Variants in HLA-E observed in about 807,000 individuals in gnomAD.
HLA-E encodes the protein major histocompatibility complex, class I, E, also known as HLA class I histocompatibility antigen, alpha chain E.
HLA-E carries 25 observed loss-of-function variants against 43.4 expected under a neutral mutation model. That is an observed-to-expected ratio of 0.58 (90% CI 0.42 to 0.80). The LOEUF is 0.80. Ranked by LOEUF, HLA-E falls within the 30% of genes least tolerant of loss-of-function variation. HLA-E has a pLI of 0.00. For synonymous variants in HLA-E, 161 were observed against 197.6 expected, an observed-to-expected ratio of 0.81 and a Z score of 1.55; for missense variants, 343 against 470.0, an observed-to-expected ratio of 0.73 and a Z score of 2.50.
rs1303607660 is a variant in HLA-E, at chr6:30,490,148, C to T, written c.335-92C>T. ...GGGGAGAGTCTCAGGCGCCTTTACC[C>T]GGTTCTTTTTCAGTTTAGGCCAAAA... On this transcript the variant is annotated intron_variant, in intron 2 of 7. Transcript: ENST00000376630. This position sits in a 1 kb window ranked among gnomAD's most constrained non-coding sequence, Gnocchi z 6.6. 3 of 1,439,108 alleles carry T rather than the reference C, an allele frequency of 2.1e-6. No individual in the cohort carries two copies. Among genetic ancestry groups the T allele is most frequent in the East Asian group, 2.8e-5 (1 of 35,610 alleles). The allele number at this position is 1,439,108 out of a possible 1,614,324, so 89.1% of individuals were successfully genotyped here.
rs377727283 is a variant in HLA-E at position 30,491,099 on chromosome 6, G to C, written c.611-38G>C. On this transcript the variant is annotated intron_variant, in intron 3 of 7. Coordinates refer to ENST00000376630, the MANE Select transcript of HLA-E (RefSeq NM_005516.6). The surrounding 1 kb of genome is among the most constrained non-coding windows in gnomAD (Gnocchi z 5.4). ...GGTGCTGCTGGAGTGTCCCATGAGA[G>C]ATACAAAGTGCCTGAATTTTCTGAC... 2.2e-5 allele frequency: 35 copies of C among 1,608,484 alleles called. No individual in the cohort carries two copies. The highest frequency in any genetic ancestry group is 3.0e-5 in the Non-Finnish European group (35 of 1,176,666).
Position 30,490,370 on chromosome 6 carries a change from C to T in HLA-E, c.465C>T (p.Thr155=). The change falls in exon 3 of 8, where the codon ACC becomes ACT. Residue 155 remains threonine, a synonymous_variant. Coordinates refer to ENST00000376630, the MANE Select transcript of HLA-E (RefSeq NM_005516.6). This position sits in a 1 kb window ranked among gnomAD's most constrained non-coding sequence, Gnocchi z 6.6. ...LTLNEDLRSW[T]AVDTAAQISE... ...TGAATGAGGACCTGCGCTCCTGGACCGCGGTGGACACGGCGGCTCAGATCT... is the reference window on the plus strand; with the variant it reads ...TGAATGAGGACCTGCGCTCCTGGACTGCGGTGGACACGGCGGCTCAGATCT... 2 of 1,613,078 alleles carry T rather than the reference C, an allele frequency of 1.2e-6. No individual in the cohort carries two copies. The highest frequency in any genetic ancestry group is 2.2e-5 in the East Asian group (1 of 44,872).
At position 30,491,749 on chromosome 6, in the gene HLA-E, A is replaced by C. The variant is rs1344187045; in HGVS notation, c.1003+96A>C. 2 of 987,668 alleles carry C rather than the reference A, an allele frequency of 2.0e-6. No individual in the cohort carries two copies. The highest frequency in any genetic ancestry group is 1.5e-6 in the Non-Finnish European group (1 of 651,366). 61.2% of individuals were successfully genotyped at this position (987,668 alleles called of 1,614,324 possible). On this transcript the variant is annotated intron_variant, in intron 5 of 7. Transcript: ENST00000376630. The surrounding 1 kb of genome is among the most constrained non-coding windows in gnomAD (Gnocchi z 5.4). ...GTGTCCTGCCTCGTTACTGGGAAGC[A>C]CCATCCACACACACGAGCCTACCCA...
chr6:30,491,361 A>G lies in HLA-E; in HGVS notation c.835A>G (p.Thr279Ala). ...GCCTTCTGGAGAGGAGCAGAGATACACGTGCCATGTGCAGCATGAGGGGCT... is the reference window on the plus strand; with the variant it reads ...GCCTTCTGGAGAGGAGCAGAGATACGCGTGCCATGTGCAGCATGAGGGGCT... ...VVPSGEEQRYTCHVQHEGLPE... is the reference protein window; with the variant it reads ...VVPSGEEQRYACHVQHEGLPE... The change falls in exon 4 of 8, where the codon ACG becomes GCG. Residue 279 changes from threonine to alanine, a missense_variant. Thr to Ala is a moderately conservative substitution (Grantham distance 58, BLOSUM62 0). This residue lies in a region of HLA-E where 190 missense variants were observed against 283.6 expected (regional missense o/e 0.67). Coordinates refer to ENST00000376630, the MANE Select transcript of HLA-E (RefSeq NM_005516.6). The surrounding 1 kb of genome is among the most constrained non-coding windows in gnomAD (Gnocchi z 5.4). 1.2e-6 allele frequency: 2 copies of G among 1,614,152 alleles called. No individual in the cohort carries two copies. The highest frequency in any genetic ancestry group is 1.7e-6 in the Non-Finnish European group (2 of 1,180,018).
rs1796529592 is a variant in HLA-E, at chr6:30,491,436, T to C, written c.886+24T>C. The C allele has an allele frequency of 6.2e-7, 1 of 1,613,530 alleles. No individual in the cohort carries two copies. Among genetic ancestry groups the C allele is most frequent in the Non-Finnish European group, 8.5e-7 (1 of 1,179,556 alleles). ...GAGTAAGGAGGGGGATGGGAGGTCA[T>C]GTCTCTTCTCAGGGAAAGCGGGAGC... On this transcript the variant is annotated intron_variant, in intron 4 of 7. Coordinates refer to ENST00000376630, the MANE Select transcript of HLA-E (RefSeq NM_005516.6). The surrounding 1 kb of genome is among the most constrained non-coding windows in gnomAD (Gnocchi z 5.4).
Position 30,491,883 on chromosome 6 carries a change from G to A in HLA-E, c.1003+230G>A, listed in dbSNP as rs1439595555. Among the ~76,000 whole-genome samples, 6 of 151,920 alleles carry A rather than the reference G, an allele frequency of 3.9e-5. No homozygotes were observed. Among genetic ancestry groups the A allele is most frequent in the Non-Finnish European group, 5.9e-5 (4 of 67,974 alleles). ...GTGGTTTCAGCTCACTGCAACCTCC[G>A]CCTCCCAGGTTCAAGCAATTCTCCT... On this transcript the variant is annotated intron_variant, in intron 5 of 7. Coordinates refer to ENST00000376630, the MANE Select transcript of HLA-E (RefSeq NM_005516.6). The surrounding 1 kb of genome is among the most constrained non-coding windows in gnomAD (Gnocchi z 5.4).
Position 30,489,518 on chromosome 6 carries a change from C to CA in HLA-E, c.-13dup, listed in dbSNP as rs761434219. ...CCGGACTCAAGAAGTTCTCAGGACT[C>CA]AGAGGCTGGGATCATGGTAGATGGA... On this transcript the variant is annotated 5_prime_UTR_variant, in exon 1 of 8. Transcript: ENST00000376630. The surrounding 1 kb of genome is among the most constrained non-coding windows in gnomAD (Gnocchi z 5.6). 1.5e-4 allele frequency: 232 copies of CA among 1,516,322 alleles called. 6 individuals are homozygous for CA. Among genetic ancestry groups the CA allele is most frequent in the East Asian group, 9.1e-4 (40 of 43,952 alleles). The allele number at this position is 1,516,322 out of a possible 1,614,324, so 93.9% of individuals were successfully genotyped here.
At position 30,491,332 on chromosome 6, in the gene HLA-E, T is replaced by C. The variant is rs1295997536; in HGVS notation, c.806T>C (p.Val269Ala). ...ACCTTCCAGAAGTGGGCAGCTGTGG[T>C]GGTGCCTTCTGGAGAGGAGCAGAGA... The part of the protein sequence containing the change: ...DGTFQKWAAV[V>A]VPSGEEQRYT... Residue 269 changes from valine (V) to alanine (A), a missense_variant, in exon 4 of 8, where the codon GTG becomes GCG. Physicochemically the swap from Val to Ala is moderately conservative, Grantham distance 64 (BLOSUM62 0). Around this residue, in one of 3 missense-constraint regions of HLA-E, gnomAD observed 190 missense variants for 283.6 expected, o/e 0.67. Coordinates refer to ENST00000376630, the MANE Select transcript of HLA-E (RefSeq NM_005516.6). This position sits in a 1 kb window ranked among gnomAD's most constrained non-coding sequence, Gnocchi z 5.4. 6.2e-7 allele frequency: 1 copy of C among 1,614,008 alleles called. No individual in the cohort carries two copies. The highest frequency in any genetic ancestry group is 1.3e-5 in the African/African-American group (1 of 74,908).
Position 30,492,883 on chromosome 6 carries a change from G to A in HLA-E, c.*137G>A. On this transcript the variant is annotated 3_prime_UTR_variant, in exon 8 of 8. Transcript: ENST00000376630. The surrounding 1 kb of genome is among the most constrained non-coding windows in gnomAD (Gnocchi z 4.5). ...TCTTTTTGCAAGGGCCTCTGAATCTGTCTGTGTCCCTGTTAGCACAATGTG... is the reference window on the plus strand; with the variant it reads ...TCTTTTTGCAAGGGCCTCTGAATCTATCTGTGTCCCTGTTAGCACAATGTG... 1 of 545,544 alleles carries A rather than the reference G, an allele frequency of 1.8e-6. No individual in the cohort carries two copies. 33.8% of individuals were successfully genotyped at this position (545,544 alleles called of 1,614,324 possible).
Position 30,491,757 on chromosome 6 carries a change from C to G in HLA-E, c.1003+104C>G. ...CCTCGTTACTGGGAAGCACCATCCA[C>G]ACACACGAGCCTACCCAGCCTGGGG... On this transcript the variant is annotated intron_variant, in intron 5 of 7. Transcript: ENST00000376630. The surrounding 1 kb of genome is among the most constrained non-coding windows in gnomAD (Gnocchi z 5.4). 1.1e-6 allele frequency: 1 copy of G among 927,136 alleles called. No individual in the cohort carries two copies. The allele number at this position is 927,136 out of a possible 1,614,324, so 57.4% of individuals were successfully genotyped here. A position where few individuals can be genotyped will look rare whatever the true frequency, so the allele number is the denominator to read the frequency against.
At position 30,493,773 on chromosome 6, in the gene HLA-E, A is replaced by T. The variant is rs1358109319; in HGVS notation, c.*1027A>T. ...AGTGGAAATGTGAGGTGCAGCTGCC[A>T]CAGAGGGCCCCCACCAGGGAAATGT... On this transcript the variant is annotated 3_prime_UTR_variant, in exon 8 of 8. Coordinates refer to ENST00000376630, the MANE Select transcript of HLA-E (RefSeq NM_005516.6). This position sits in a 1 kb window ranked among gnomAD's most constrained non-coding sequence, Gnocchi z 5.5. 6.6e-6 allele frequency: 1 copy of T among 152,478 alleles called. No individual in the cohort carries two copies. The highest frequency in any genetic ancestry group is 2.4e-5 in the African/African-American group (1 of 41,448). 9.4% of individuals were successfully genotyped at this position (152,478 alleles called of 1,614,324 possible).
At position 30,491,638 on chromosome 6, in the gene HLA-E, A is replaced by C; in HGVS notation, c.988A>C (p.Arg330=). 6.2e-7 allele frequency: 1 copy of C among 1,612,564 alleles called. No individual in the cohort carries two copies. Among genetic ancestry groups the C allele is most frequent in the East Asian group, 2.2e-5 (1 of 44,858 alleles). ...AGCTGTGGTTGCTGCTGTGATATGG[A>C]GGAAGAAGAGCTCAGGTGGGGAAGG... ...SGAVVAAVIW[R]KKSSGGKGGS... Residue 330 remains arginine (R), a synonymous_variant, in exon 5 of 8, where the codon AGG becomes CGG. Coordinates refer to ENST00000376630, the MANE Select transcript of HLA-E (RefSeq NM_005516.6). The surrounding 1 kb of genome is among the most constrained non-coding windows in gnomAD (Gnocchi z 5.4).
In HLA-E at chr6:30,491,770, AC is replaced by A; in HGVS notation, c.1003+120del. On this transcript the variant is annotated intron_variant, in intron 5 of 7. Transcript: ENST00000376630. The surrounding 1 kb of genome is among the most constrained non-coding windows in gnomAD (Gnocchi z 5.4). The stretch of plus-strand genomic sequence containing the variant: ...AAGCACCATCCACACACACGAGCCT[AC>A]CCAGCCTGGGGCCCTGTGTGCCAGC... 2 of 834,218 alleles carry A rather than the reference AC, an allele frequency of 2.4e-6. No homozygotes were observed. The highest frequency in any genetic ancestry group is 1.9e-6 in the Non-Finnish European group (1 of 524,662). 51.7% of individuals were successfully genotyped at this position (834,218 alleles called of 1,614,324 possible).
chr6:30,490,054 G>A lies in HLA-E; in HGVS notation c.334+59G>A. The A allele has an allele frequency of 6.5e-7, 1 of 1,541,254 alleles. No individual in the cohort carries two copies. The highest frequency in any genetic ancestry group is 8.8e-7 in the Non-Finnish European group (1 of 1,133,794). ...CCCCTCCCCATCCCCCACGGACGGC[G>A]CGGGTCCCCTCGAATCTTCGGGTCC... On this transcript the variant is annotated intron_variant, in intron 2 of 7. Coordinates refer to ENST00000376630, the MANE Select transcript of HLA-E (RefSeq NM_005516.6). The surrounding 1 kb of genome is among the most constrained non-coding windows in gnomAD (Gnocchi z 6.6).
chr6:30,492,365 C>T lies in HLA-E; in HGVS notation c.1004-39C>T, dbSNP rs772601529. On this transcript the variant is annotated intron_variant, in intron 5 of 7. Coordinates refer to ENST00000376630, the MANE Select transcript of HLA-E (RefSeq NM_005516.6). The surrounding 1 kb of genome is among the most constrained non-coding windows in gnomAD (Gnocchi z 4.5). ...TTCCTCTAGGACCTTATGGCCCTGCCTCCTCCCTGGCCCCTCACAGGACAT... is the reference window on the plus strand; with the variant it reads ...TTCCTCTAGGACCTTATGGCCCTGCTTCCTCCCTGGCCCCTCACAGGACAT... The T allele has an allele frequency of 6.2e-7, 1 of 1,612,262 alleles. No homozygotes were observed. Among genetic ancestry groups the T allele is most frequent in the Non-Finnish European group, 8.5e-7 (1 of 1,178,434 alleles).
Position 30,492,627 on chromosome 6 carries a change from G to A in HLA-E, c.*2+44G>A. ...GAAGTGGGTGGAGGGTGGGGCAGAG[G>A]GGACAGGACTGGGTTGTGGGGATTT... On this transcript the variant is annotated intron_variant, in intron 7 of 7. Coordinates refer to ENST00000376630, the MANE Select transcript of HLA-E (RefSeq NM_005516.6). This position sits in a 1 kb window ranked among gnomAD's most constrained non-coding sequence, Gnocchi z 4.5. The A allele has an allele frequency of 6.3e-7, 1 of 1,590,634 alleles. No homozygotes were observed. Among genetic ancestry groups the A allele is most frequent in the Non-Finnish European group, 8.6e-7 (1 of 1,161,980 alleles).
Position 30,490,180 on chromosome 6 carries a change from C to A in HLA-E, c.335-60C>A. On this transcript the variant is annotated intron_variant, in intron 2 of 7. Transcript: ENST00000376630. The surrounding 1 kb of genome is among the most constrained non-coding windows in gnomAD (Gnocchi z 6.6). ...TTTTCAGTTTAGGCCAAAATGCCCA[C>A]AGGGTGGTGGCGACGGGGGCGGGGC... 1.9e-6 allele frequency: 3 copies of A among 1,573,244 alleles called. No homozygotes were observed. The highest frequency in any genetic ancestry group is 2.3e-5 in the South Asian group (2 of 87,640).
In HLA-E at chr6:30,491,094, T is replaced by C. The variant is rs768369744; in HGVS notation, c.611-43T>C. The stretch of plus-strand genomic sequence containing the variant: ...ACATGGGTGCTGCTGGAGTGTCCCA[T>C]GAGAGATACAAAGTGCCTGAATTTT... On this transcript the variant is annotated intron_variant, in intron 3 of 7. Transcript: ENST00000376630. This position sits in a 1 kb window ranked among gnomAD's most constrained non-coding sequence, Gnocchi z 5.4. 6.3e-7 allele frequency: 1 copy of C among 1,588,780 alleles called. No individual in the cohort carries two copies. The highest frequency in any genetic ancestry group is 1.1e-5 in the South Asian group (1 of 89,796).
At position 30,491,301 on chromosome 6, in the gene HLA-E, G is replaced by A. The variant is rs1172365556; in HGVS notation, c.775G>A (p.Asp259Asn). 3 of 1,614,240 alleles carry A rather than the reference G, an allele frequency of 1.9e-6. No homozygotes were observed. Among genetic ancestry groups the A allele is most frequent in the Admixed American group, 3.3e-5 (2 of 60,028 alleles). ...GCTCGTGGAGACCAGGCCTGCAGGG[G>A]ATGGAACCTTCCAGAAGTGGGCAGC... ...TELVETRPAGDGTFQKWAAVV... is the reference protein window; with the variant it reads ...TELVETRPAGNGTFQKWAAVV... Residue 259 changes from aspartate to asparagine, a missense_variant, in exon 4 of 8, where the codon GAT (aspartate) becomes AAT (asparagine). Coordinates refer to ENST00000376630, the MANE Select transcript of HLA-E (RefSeq NM_005516.6). The surrounding 1 kb of genome is among the most constrained non-coding windows in gnomAD (Gnocchi z 5.4).
Sources: allele counts gnomAD v4.1 joint callset (sites outside exome capture counted in the v4.1 genomes callset), GRCh38; gene constraint gnomAD v4.1.1; regional missense constraint gnomAD v4.1.1; non-coding constraint Gnocchi (gnomAD v3.1); transcripts MANE v1.5; gene names NCBI Gene and HGNC (gene_info 2026-07-23, HGNC 2026-07-21).